The following BMPR1B variants were observed in gnomAD, a reference collection of about 807,000 sequenced individuals.
BMPR1B encodes bone morphogenetic protein receptor type-1B.
A neutral mutation model predicts 59.1 loss-of-function variants in BMPR1B; 12 were observed. That is an observed-to-expected ratio of 0.20 (90% CI 0.13 to 0.33). BMPR1B has a LOEUF of 0.33. BMPR1B is among the 10% of genes least tolerant of loss of function. The pLI is 1.00. For missense variants in BMPR1B, 550 were observed against 610.9 expected (o/e 0.90, Z 1.05); for synonymous variants, 237 against 207.3 (o/e 1.14, Z -1.23).
intron 1 of BMPR1B, among the ~76,000 whole-genome samples, chr4:94,819,656 C>T (rs1378698298): frequency 6.6e-6 from 1 of 152,206 alleles, no homozygotes; most frequent in Non-Finnish European, 1.5e-5. Context: ...TTATTCAGTC[C>T]TTCACACATA....
chr4:94,828,964 A>T (rs1420581152), intron 1 of BMPR1B, among the ~76,000 whole-genome samples: 1 of 151,728 alleles, frequency 6.6e-6, no homozygotes, highest in Non-Finnish European at 1.5e-5. Flanking sequence ...TTTTATGCTT[A>T]GGGTGTGTGT....
intron 3 of BMPR1B, among the ~76,000 whole-genome samples, chr4:95,029,831 A>G (rs1279467642): frequency 4.6e-5 from 7 of 152,110 alleles, no homozygotes; most frequent in African/African-American, 1.7e-4. Context: ...ATGGTATCTC[A>G]TTGTGGTTTT....
At chr4:94,779,344 C>G (rs1342271482) in intron 1 of BMPR1B, among the ~76,000 whole-genome samples, 2 of 152,108 alleles carry the variant, frequency 1.3e-5, no homozygotes, top group Non-Finnish European at 2.9e-5. Flanking sequence ...GGGCCTGTTT[C>G]TGAGCTTTTA....
At chr4:94,806,166 T>C (rs1278096283) in intron 1 of BMPR1B, among the ~76,000 whole-genome samples, 1 of 152,198 alleles carries the variant, frequency 6.6e-6, no homozygotes, top group African/African-American at 2.4e-5. Flanking sequence ...AATGGGATAC[T>C]GTACTCACGG....
chr4:95,125,451 C>G (rs942308705), intron 8 of BMPR1B, among the ~76,000 whole-genome samples: 53 of 152,118 alleles, frequency 3.5e-4, no homozygotes, highest in African/African-American at 1.3e-3. Context: ...CTTTTGAAGG[C>G]TAAAGTATTA....
intron 9 of BMPR1B, among the ~76,000 whole-genome samples, chr4:95,130,438 A>G (rs1359430487): frequency 3.9e-5 from 6 of 152,162 alleles, no homozygotes. Flanking sequence ...TATATTGAGA[A>G]TTGATTTTGT....
At chr4:95,116,415 G>GCACACACACACACACACACACACACA (rs1491178901) in intron 6 of BMPR1B, among the ~76,000 whole-genome samples, 1 of 67,846 alleles carries the variant, frequency 1.5e-5, no homozygotes, top group African/African-American at 8.0e-5. Flanking sequence ...CATGCTTTCA[G>GCACACACACACACACACACACACACA]CGCGCGCACA....
At chr4:94,885,295 G>T (rs542782607) in intron 2 of BMPR1B, among the ~76,000 whole-genome samples, 4 of 152,262 alleles carry the variant, frequency 2.6e-5, no homozygotes, top group African/African-American at 9.6e-5. Context: ...TTTCCACCTA[G>T]TCACTGAGAA....
intron 1 of BMPR1B, among the ~76,000 whole-genome samples, chr4:94,819,782 T>G (rs1724138787): frequency 6.6e-6 from 1 of 152,248 alleles, no homozygotes; most frequent in African/African-American, 2.4e-5. Context: ...GAAATGAACC[T>G]TTTAACAAGG....
intron 11 of BMPR1B, among the ~76,000 whole-genome samples, chr4:95,150,083 A>G (rs1734932731): frequency 6.6e-6 from 1 of 152,204 alleles, no homozygotes; most frequent in Admixed American, 6.5e-5. Flanking sequence ...TTCACACTTC[A>G]ATAGAAAGAT....
At chr4:94,863,546 C>G (rs1726086527) in intron 1 of BMPR1B, among the ~76,000 whole-genome samples, 1 of 152,122 alleles carries the variant, frequency 6.6e-6, no homozygotes, top group African/African-American at 2.4e-5. Flanking sequence ...AAATAGCCCT[C>G]TGTATTTAGT....
intron 1 of BMPR1B, among the ~76,000 whole-genome samples, chr4:94,830,855 A>G (rs1228816376): frequency 6.6e-6 from 1 of 152,156 alleles, no homozygotes. Context: ...GTGTAAACAA[A>G]CCTGTGCTGC....
chr4:94,812,320 T>A (rs1025561086), intron 1 of BMPR1B, among the ~76,000 whole-genome samples: 2 of 152,060 alleles, frequency 1.3e-5, no homozygotes, highest in South Asian at 2.1e-4. Context: ...CTTGAAAAAA[T>A]CAATGGGTAT....
At chr4:95,050,642 T>C (rs1248342250) in intron 3 of BMPR1B, among the ~76,000 whole-genome samples, 1 of 152,184 alleles carries the variant, frequency 6.6e-6, no homozygotes, top group African/African-American at 2.4e-5. Context: ...TTTTTTAAAA[T>C]ATCAAGTAAA....
intron 1 of BMPR1B, among the ~76,000 whole-genome samples, chr4:94,841,343 G>T (rs1725062201): frequency 6.7e-6 from 1 of 148,922 alleles, no homozygotes; most frequent in Non-Finnish European, 1.5e-5. Context: ...GGGCAATGGC[G>T]GGCGCCCCTC....
intron 1 of BMPR1B, among the ~76,000 whole-genome samples, chr4:94,828,535 A>G (rs958284089): frequency 2.6e-5 from 4 of 152,232 alleles, no homozygotes; most frequent in African/African-American, 2.4e-5. Flanking sequence ...TATAAAACAT[A>G]TTAATTTACT....
In BMPR1B at chr4:95,066,478, C is replaced by T. The variant is rs150602046; in HGVS notation, c.-17-37930C>T. ...ATATAGTTATGCTAGCATTCAAATA[C>T]AGTTGGAAATGCAGTTATTCTGTAG... On this transcript the variant is annotated intron_variant, in intron 3 of 12. Transcript: ENST00000515059. 4.0e-3 allele frequency among the ~76,000 whole-genome samples: 616 copies of T among 152,286 alleles called. 4 individuals are homozygous for T. The highest frequency in any genetic ancestry group is 6.0e-3 in the Non-Finnish European group (408 of 68,030).
intron 1 of BMPR1B, among the ~76,000 whole-genome samples, chr4:94,799,685 T>C (rs1203432934): frequency 6.6e-6 from 1 of 151,128 alleles, no homozygotes; most frequent in African/African-American, 2.4e-5. Context: ...TTAGTTGTTT[T>C]GTTTTTGTTT....
chr4:94,780,763 A>T (rs1004384476), intron 1 of BMPR1B, among the ~76,000 whole-genome samples: 14 of 134,838 alleles, frequency 1.0e-4, no homozygotes, highest in African/African-American at 3.7e-4. Flanking sequence ...ATCTCAGCTC[A>T]CTGCAAGCTC....
Sources: allele counts gnomAD v4.1 joint callset (sites outside exome capture counted in the v4.1 genomes callset), GRCh38; gene constraint gnomAD v4.1.1; transcripts MANE v1.5; gene names NCBI Gene and HGNC (gene_info 2026-07-23, HGNC 2026-07-21).